PRRG1: variants seen among roughly 807,000 people sequenced by gnomAD.
PRRG1 encodes the protein proline rich and Gla domain 1.
Under a neutral mutation model 11.8 loss-of-function variants are expected in PRRG1, and 5 were observed. The observed-to-expected ratio is 0.42, with a 90% CI of 0.22 to 0.89. PRRG1 has a LOEUF of 0.89. Ranked by LOEUF, PRRG1 falls within the 40% of genes least tolerant of loss-of-function variation. The pLI is 0.28. For missense variants in PRRG1, 155 were observed against 166.1 expected (o/e 0.93, Z 0.37); for synonymous variants, 66 against 60.4 (o/e 1.09, Z -0.43).
chrX:37,434,853 A>G (rs1490247443), intron 3 of PRRG1, among the ~76,000 whole-genome samples: 2 of 112,004 alleles, frequency 1.8e-5, no homozygotes, highest in Non-Finnish European at 3.8e-5. Context: ...GGAGCTGTTA[A>G]TCTTGCACTG....
At chrX:37,351,751 G>A (rs1217746674) in intron 1 of PRRG1, among the ~76,000 whole-genome samples, 1 of 111,784 alleles carries the variant, frequency 8.9e-6, no homozygotes, top group African/African-American at 3.2e-5. Flanking sequence ...TTTTAAAAAG[G>A]CCAGTTTCTG....
chrX:37,383,618 A>G (rs1329183345), intron 1 of PRRG1, among the ~76,000 whole-genome samples: 2 of 111,495 alleles, frequency 1.8e-5, no homozygotes, highest in East Asian at 2.8e-4. Flanking sequence ...TTTTTTTGTG[A>G]CATGCTTATA....
intron 1 of PRRG1, among the ~76,000 whole-genome samples, chrX:37,351,226 G>A (rs1163920680): frequency 9.0e-6 from 1 of 111,531 alleles, no homozygotes; most frequent in African/African-American, 3.3e-5. Flanking sequence ...CGGGTGCAGT[G>A]GCTTACTCCT....
chrX:37,428,773 C>T (rs782561115), intron 3 of PRRG1, among the ~76,000 whole-genome samples: 2 of 112,586 alleles, frequency 1.8e-5, no homozygotes, highest in Non-Finnish European at 3.8e-5. Context: ...GGGGCTCTGA[C>T]CCCACATTTC....
rs369718718 is a variant in PRRG1, at chrX:37,453,551, A to G, written c.587A>G (p.Tyr196Cys). ...TEPHLDPPPE[Y>C]EDIVNSNSAS... Reference sequence around the variant, plus strand: ...CCTCATTTAGACCCACCCCCAGAGTATGAGGACATAGTCAACTCCAACTCA... The same window carrying G: ...CCTCATTTAGACCCACCCCCAGAGTGTGAGGACATAGTCAACTCCAACTCA... The change falls in exon 4 of 4, where the codon TAT (tyrosine) becomes TGT (cysteine). Residue 196 changes from tyrosine (Y) to cysteine (C), a missense_variant. By Grantham distance (194) the Tyr-to-Cys change is radical. Transcript: ENST00000378628. 13 of 1,207,726 alleles carry G rather than the reference A, an allele frequency of 1.1e-5. No homozygotes were observed. Among genetic ancestry groups the G allele is most frequent in the Middle Eastern group, 2.3e-4 (1 of 4,369 alleles).
At chrX:37,448,738 C>T (rs368461169) in intron 3 of PRRG1, among the ~76,000 whole-genome samples, 66 of 111,806 alleles carry the variant, frequency 5.9e-4, no homozygotes, top group African/African-American at 2.1e-3. Flanking sequence ...TGTCCATCTT[C>T]TACTGACAGT....
At chrX:37,389,134 CAT>C (rs1351452686) in intron 1 of PRRG1, among the ~76,000 whole-genome samples, 1 of 111,539 alleles carries the variant, frequency 9.0e-6, no homozygotes, top group Non-Finnish European at 1.9e-5. Flanking sequence ...GTTAGTTCCT[CAT>C]GTCCATCTGA....
intron 2 of PRRG1, among the ~76,000 whole-genome samples, chrX:37,409,621 A>T (rs1277416370): frequency 8.9e-6 from 1 of 112,265 alleles, no homozygotes; most frequent in East Asian, 2.8e-4. Context: ...TTACTCTCTA[A>T]GCTTTGCTTA....
At chrX:37,409,329 T>C (rs951004725) in intron 2 of PRRG1, among the ~76,000 whole-genome samples, 2 of 111,948 alleles carry the variant, frequency 1.8e-5, no homozygotes, top group African/African-American at 6.5e-5. Context: ...GAATTGGTCT[T>C]GCTGTCTTAG....
In PRRG1 at chrX:37,402,397, A is replaced by G. The variant is rs1222491990; in HGVS notation, c.-41-3812A>G. 2.7e-5 allele frequency among the ~76,000 whole-genome samples: 3 copies of G among 111,867 alleles called. No homozygotes were observed. The Admixed American group carries it at 2.9e-4, about 11-fold the overall frequency. On this transcript the variant is annotated intron_variant, in intron 1 of 3. Transcript: ENST00000378628. ...ACAAGCAATGGGGAAAGGATTCCCT[A>G]TTTAATAAGGGCTGGGAAAACTGGC... is the stretch of plus-strand genomic sequence containing the variant.
chrX:37,400,765 G>A (rs1347706370), intron 1 of PRRG1, among the ~76,000 whole-genome samples: 1 of 109,795 alleles, frequency 9.1e-6, no homozygotes, highest in Admixed American at 9.7e-5. Flanking sequence ...AAAGAGAGAA[G>A]AATCAAATAG....
At chrX:37,392,651 C>G (rs1483744714) in intron 1 of PRRG1, among the ~76,000 whole-genome samples, 1 of 85,127 alleles carries the variant, frequency 1.2e-5, no homozygotes, top group African/African-American at 5.7e-5. Context: ...GAGCAAGACT[C>G]TGTCTCAAAA....
intron 1 of PRRG1, among the ~76,000 whole-genome samples, chrX:37,352,447 AC>A (rs782649941): frequency 8.9e-6 from 1 of 112,066 alleles, no homozygotes; most frequent in African/African-American, 3.2e-5. Context: ...CATCCATAAA[AC>A]TTTTTTAAAG....
intron 1 of PRRG1, among the ~76,000 whole-genome samples, chrX:37,377,565 A>T (rs1556372722): frequency 8.9e-6 from 1 of 111,939 alleles, no homozygotes; most frequent in Non-Finnish European, 1.9e-5. Context: ...TTGTTAATGC[A>T]CATGTAAGAG....
rs782308807 is a variant in PRRG1 at position 37,425,809 on chromosome X, A to G, written c.11-31A>G. ...TTCATCTGGTATATCAACTTGCCAC[A>G]TAGGTTTTTTATACTTATATTTCTT... On this transcript the variant is annotated intron_variant, in intron 2 of 3. Coordinates refer to ENST00000378628, the MANE Select transcript of PRRG1 (RefSeq NM_001142395.2). The G allele has an allele frequency of 2.7e-6, 3 of 1,131,611 alleles. No homozygotes were observed. In the Admixed American group the frequency reaches 8.3e-5, roughly 31 times the overall value. 93.3% of individuals were successfully genotyped at this position (1,131,611 alleles called of 1,213,427 possible).
intron 3 of PRRG1, among the ~76,000 whole-genome samples, chrX:37,444,627 C>T (rs1408612957): frequency 9.0e-6 from 1 of 111,600 alleles, no homozygotes; most frequent in Non-Finnish European, 1.9e-5. Context: ...TCACCCTCCA[C>T]TCAATTCTAA....
intron 1 of PRRG1, among the ~76,000 whole-genome samples, chrX:37,395,529 C>T (rs1263980867): frequency 9.2e-6 from 1 of 108,162 alleles, no homozygotes; most frequent in Non-Finnish European, 1.9e-5. Flanking sequence ...GCAGGAGAAT[C>T]GCTTGAACCC....
intron 3 of PRRG1, among the ~76,000 whole-genome samples, chrX:37,444,230 G>C (rs1351164925): frequency 2.7e-5 from 3 of 111,548 alleles, no homozygotes; most frequent in Non-Finnish European, 5.7e-5. Flanking sequence ...CTCTGACTTT[G>C]TCTCAGATCA....
chrX:37,374,120 T>C (rs1157458648), intron 1 of PRRG1, among the ~76,000 whole-genome samples: 1 of 112,299 alleles, frequency 8.9e-6, no homozygotes, highest in African/African-American at 3.2e-5. Flanking sequence ...AGGAATATAT[T>C]CCATTTGATC....
Sources: allele counts gnomAD v4.1 joint callset (sites outside exome capture counted in the v4.1 genomes callset), GRCh38; gene constraint gnomAD v4.1.1; transcripts MANE v1.5; gene names NCBI Gene and HGNC (gene_info 2026-07-23, HGNC 2026-07-21).